USP43: variants seen among roughly 807,000 people sequenced by gnomAD.
The protein encoded by USP43 is ubiquitin carboxyl-terminal hydrolase 43.
USP43 carries 33 observed loss-of-function variants against 90.7 expected under a neutral mutation model. That is an observed-to-expected ratio of 0.36 (90% CI 0.28 to 0.49). USP43 has a LOEUF of 0.49. Among genes scored for constraint, USP43 ranks in the 20% least tolerant of loss-of-function variants. The probability of loss-of-function intolerance (pLI) is 0.98; values close to 1 mark genes in which losing one functional copy is unlikely to be tolerated. For missense variants in USP43, 1,274 were observed against 1,476.4 expected (o/e 0.86, Z 2.25); for synonymous variants, 598 against 615.8 (o/e 0.97, Z 0.43).
intron 3 of USP43, chr17:9,669,881 G>A (rs1913283996): frequency 6.6e-6 from 1 of 152,612 alleles, no homozygotes; most frequent in Admixed American, 6.5e-5. Flanking sequence ...GAGCAGCTGG[G>A]ATTACAGGCA....
At chr17:9,659,319 A>G (rs1458157489) in intron 2 of USP43, among the ~76,000 whole-genome samples, 6 of 152,246 alleles carry the variant, frequency 3.9e-5, no homozygotes, top group African/African-American at 1.4e-4. Flanking sequence ...GTGATTGACT[A>G]AATTAGTTAT....
intron 14 of USP43, among the ~76,000 whole-genome samples, chr17:9,717,316 C>T (rs1277954253): frequency 1.3e-5 from 2 of 151,408 alleles, no homozygotes; most frequent in African/African-American, 4.9e-5. Context: ...TGCACGTCTG[C>T]ATTTCTGTTG....
At chr17:9,655,624 T>C (rs1391574172) in intron 1 of USP43, among the ~76,000 whole-genome samples, 1 of 152,198 alleles carries the variant, frequency 6.6e-6, no homozygotes, top group African/African-American at 2.4e-5. Context: ...ACGAGGGCAG[T>C]GAGATGAAGA....
chr17:9,701,794 G>A lies in USP43; in HGVS notation c.2011+94G>A. The A allele has an allele frequency of 7.9e-6, 9 of 1,140,602 alleles. No homozygotes were observed. Among genetic ancestry groups the A allele is most frequent in the Non-Finnish European group, 1.1e-5 (9 of 827,716 alleles). 70.7% of individuals were successfully genotyped at this position (1,140,602 alleles called of 1,614,324 possible). On this transcript the variant is annotated intron_variant, in intron 12 of 14. Coordinates refer to ENST00000285199, the MANE Select transcript of USP43 (RefSeq NM_153210.5). This position sits in a 1 kb window ranked among gnomAD's most constrained non-coding sequence, Gnocchi z 7.2. ...GTTGCTCAGATGCTGAGCTCCCTGG[G>A]GCACTTATTGAGATCCGACCCCTCA...
intron 4 of USP43, among the ~76,000 whole-genome samples, chr17:9,675,542 G>A (rs1267017617): frequency 6.6e-6 from 1 of 152,164 alleles, no homozygotes; most frequent in Non-Finnish European, 1.5e-5. Flanking sequence ...CAATGTCAGT[G>A]TCCTGGCATG....
rs372634977 is a variant in USP43 at position 9,728,684 on chromosome 17, C to T, written c.3066C>T (p.Pro1022=). 3.4e-5 allele frequency: 55 copies of T among 1,612,244 alleles called. No individual in the cohort carries two copies. The highest frequency in any genetic ancestry group is 1.6e-4 in the Middle Eastern group (1 of 6,082). ...ERAEVSPQVP[P]VSLVSGGLSP... The stretch of plus-strand genomic sequence containing the variant: ...CAGAGGTCTCTCCACAGGTGCCCCC[C>T]GTCTCCCTGGTGAGTGGCGGGCTGA... The change falls in exon 15 of 15, where the codon CCC becomes CCT. Residue 1022 remains proline (P), a synonymous_variant. Transcript: ENST00000285199. This position sits in a 1 kb window ranked among gnomAD's most constrained non-coding sequence, Gnocchi z 6.2.
rs771125204 is a variant in USP43 at position 9,728,355 on chromosome 17, A to C, written c.2737A>C (p.Arg913=). 11 of 1,610,128 alleles carry C rather than the reference A, an allele frequency of 6.8e-6. No individual in the cohort carries two copies. The South Asian group carries it at 1.2e-4, about 18-fold the overall frequency. ...PGNSDGPNTA[R]KLKENAGQDI... ...AAACTCAGATGGTCCAAACACAGCA[A>C]GGAAACTCAAGGAAAATGCAGGGCA... is the stretch of plus-strand genomic sequence containing the variant. The change falls in exon 15 of 15, where the codon AGG becomes CGG. Residue 913 remains arginine, a synonymous_variant. Coordinates refer to ENST00000285199, the MANE Select transcript of USP43 (RefSeq NM_153210.5). The surrounding 1 kb of genome is among the most constrained non-coding windows in gnomAD (Gnocchi z 6.2).
At chr17:9,682,612 T>A (rs996320076) in intron 6 of USP43, among the ~76,000 whole-genome samples, 1 of 152,102 alleles carries the variant, frequency 6.6e-6, no homozygotes. Context: ...CAATTGCAAA[T>A]TCACTACCAT....
chr17:9,655,616 G>T (rs73975780), intron 1 of USP43, among the ~76,000 whole-genome samples: 4 of 152,170 alleles, frequency 2.6e-5, no homozygotes, highest in Non-Finnish European at 4.4e-5. Flanking sequence ...CAAACACCAC[G>T]AGGGCAGTGA....
intron 14 of USP43, among the ~76,000 whole-genome samples, chr17:9,727,138 A>G (rs1917313774): frequency 6.6e-6 from 1 of 152,004 alleles, no homozygotes; most frequent in Non-Finnish European, 1.5e-5. Flanking sequence ...ACGCCCAGCT[A>G]ATTTTTGTAT....
At chr17:9,667,615 G>T (rs114490420) in intron 3 of USP43, among the ~76,000 whole-genome samples, 1,802 of 152,272 alleles carry the variant, frequency 0.012, 39 homozygotes, top group African/African-American at 0.041. Flanking sequence ...TGTGCCTTTT[G>T]TTGGCCTCTG....
chr17:9,654,099 C>T (rs932639509), intron 1 of USP43, among the ~76,000 whole-genome samples: 2 of 152,050 alleles, frequency 1.3e-5, no homozygotes, highest in African/African-American at 4.8e-5. Context: ...AATGTTGGTA[C>T]AAGAAGATAG....
intron 2 of USP43, among the ~76,000 whole-genome samples, chr17:9,666,117 C>T (rs927125192): frequency 1.3e-5 from 2 of 152,106 alleles, no homozygotes; most frequent in African/African-American, 4.8e-5. Flanking sequence ...GACTGATGGA[C>T]AGAGTGAAGG....
upstream of USP43, chr17:9,645,362 C>G (rs947117743): frequency 2.4e-5 from 6 of 247,136 alleles, no homozygotes; most frequent in Admixed American, 2.2e-4. The surrounding 1 kb of genome is among the most constrained non-coding windows in gnomAD (Gnocchi z 6.8). Flanking sequence ...GGTGGGGAAT[C>G]CGACCACGAA....
intron 1 of USP43, among the ~76,000 whole-genome samples, chr17:9,650,119 G>C (rs946517249): frequency 6.6e-6 from 1 of 152,094 alleles, no homozygotes; most frequent in Non-Finnish European, 1.5e-5. Context: ...TGGAAATGGA[G>C]TTTCCATTTT....
intron 9 of USP43, among the ~76,000 whole-genome samples, chr17:9,698,147 G>A (rs1259865886): frequency 6.6e-6 from 1 of 152,290 alleles, no homozygotes; most frequent in East Asian, 1.9e-4. Context: ...TTGGAGAGAT[G>A]TCTTTCATGT....
Position 9,700,192 on chromosome 17 carries a change from C to T in USP43, c.1478C>T (p.Pro493Leu), listed in dbSNP as rs1349558485. The change falls in exon 10 of 15, where the codon CCA becomes CTA. Residue 493 changes from proline (P) to leucine (L), a missense_variant. Physicochemically the swap from Pro to Leu is moderately conservative, Grantham distance 98 (BLOSUM62 -3). Transcript: ENST00000285199. ...CTCAGGGTTTTGCATCTCAGGAGGCCAGGAGGCCCTCCACATGTCAAGCTG... is the reference window on the plus strand; with the variant it reads ...CTCAGGGTTTTGCATCTCAGGAGGCTAGGAGGCCCTCCACATGTCAAGCTG... ...AVDRVLHLRR[P>L]GGPPHVKLAV... 1 of 1,606,590 alleles carries T rather than the reference C, an allele frequency of 6.2e-7. No homozygotes were observed. Among genetic ancestry groups the T allele is most frequent in the African/African-American group, 1.3e-5 (1 of 74,932 alleles).
intron 12 of USP43, among the ~76,000 whole-genome samples, chr17:9,705,743 G>C (rs1915834035): frequency 6.8e-6 from 1 of 147,046 alleles, no homozygotes; most frequent in Non-Finnish European, 1.5e-5. Context: ...GAGAGAGTGA[G>C]ACTCTGTCTC....
At chr17:9,681,488 A>ATATATATG (rs1914276595) in intron 6 of USP43, among the ~76,000 whole-genome samples, 1 of 84,698 alleles carries the variant, frequency 1.2e-5, no homozygotes, top group Admixed American at 1.7e-4. Context: ...ATATATATAT[A>ATATATATG]TATATATATA....
Sources: allele counts gnomAD v4.1 joint callset (sites outside exome capture counted in the v4.1 genomes callset), GRCh38; gene constraint gnomAD v4.1.1; non-coding constraint Gnocchi (gnomAD v3.1); transcripts MANE v1.5; gene names NCBI Gene and HGNC (gene_info 2026-07-23, HGNC 2026-07-21).